The following KIAA1549L variants were observed in gnomAD, a reference collection of about 807,000 sequenced individuals.
KIAA1549L encodes the protein UPF0606 protein KIAA1549L.
Under a neutral mutation model 160.7 loss-of-function variants are expected in KIAA1549L, and 88 were observed. That is an observed-to-expected ratio of 0.55 (90% CI 0.46 to 0.65). The LOEUF (loss-of-function observed/expected upper bound fraction) is 0.65, where lower values mean the gene tolerates loss of function less well. Among genes scored for constraint, KIAA1549L ranks in the 30% least tolerant of loss-of-function variants. The pLI is 0.00. For synonymous variants in KIAA1549L, 950 were observed against 976.7 expected (o/e 0.97, Z 0.51); for missense variants, 2,258 against 2,437.5 (o/e 0.93, Z 1.55).
intron 1 of KIAA1549L, among the ~76,000 whole-genome samples, chr11:33,536,714 A>G (rs1853902095): frequency 1.3e-5 from 2 of 152,238 alleles, no homozygotes. Context: ...TGTAAACACA[A>G]ACTATTTAAA....
chr11:33,540,783 A>T (rs566177727), intron 1 of KIAA1549L, among the ~76,000 whole-genome samples: 1 of 152,182 alleles, frequency 6.6e-6, no homozygotes. Context: ...AAGCACCCCA[A>T]TGATCCTGAT....
At chr11:33,572,049 T>C (rs2133242104) in intron 9 of KIAA1549L, among the ~76,000 whole-genome samples, 1 of 152,278 alleles carries the variant, frequency 6.6e-6, no homozygotes, top group South Asian at 2.1e-4. Flanking sequence ...CTTTTTTTTT[T>C]TTTTTGAGAT....
At chr11:33,466,358 T>C (rs947632405) in intron 1 of KIAA1549L, among the ~76,000 whole-genome samples, 1 of 152,160 alleles carries the variant, frequency 6.6e-6, no homozygotes, top group African/African-American at 2.4e-5. Context: ...CCAACAGACA[T>C]ATGAGAAAAT....
At chr11:33,612,752 C>T (rs1850679812) in intron 15 of KIAA1549L, among the ~76,000 whole-genome samples, 1 of 152,176 alleles carries the variant, frequency 6.6e-6, no homozygotes, top group Non-Finnish European at 1.5e-5. Context: ...CCCTCTCCCT[C>T]CTTTTACCCT....
chr11:33,660,877 G>A lies in KIAA1549L; in HGVS notation c.6022G>A (p.Ala2008Thr), dbSNP rs767786891. ...CTCCATGCCAGGTAATACGGTGCCAGCAGTGTTCGCCATCCCAGCTGCCAA... is the reference window on the plus strand; with the variant it reads ...CTCCATGCCAGGTAATACGGTGCCAACAGTGTTCGCCATCCCAGCTGCCAA... Reference protein sequence around the residue: ...ALNYSGNTVPAVFAIPAANRP... With the variant: ...ALNYSGNTVPTVFAIPAANRP... The change falls in exon 20 of 21, where the codon GCA becomes ACA. Residue 2008 changes from alanine (A) to threonine (T), a missense_variant. Transcript: ENST00000658780. The A allele has an allele frequency of 6.2e-7, 1 of 1,613,892 alleles. No homozygotes were observed. Among genetic ancestry groups the A allele is most frequent in the Non-Finnish European group, 8.5e-7 (1 of 1,179,850 alleles).
chr11:33,609,362 C>T (rs1850587568), intron 14 of KIAA1549L, among the ~76,000 whole-genome samples: 2 of 152,232 alleles, frequency 1.3e-5, no homozygotes, highest in African/African-American at 4.8e-5. Context: ...CTGGGTTCCC[C>T]AGGACTGGAG....
intron 1 of KIAA1549L, among the ~76,000 whole-genome samples, chr11:33,478,565 A>G (rs1225511438): frequency 1.3e-5 from 2 of 152,216 alleles, no homozygotes; most frequent in African/African-American, 4.8e-5. Flanking sequence ...AGCTGGTCAC[A>G]GATAGGAATA....
intron 1 of KIAA1549L, among the ~76,000 whole-genome samples, chr11:33,525,043 G>A (rs1462487680): frequency 6.6e-6 from 1 of 152,204 alleles, no homozygotes; most frequent in Non-Finnish European, 1.5e-5. Flanking sequence ...TAGGGGTGAA[G>A]AGGAAAATGG....
At chr11:33,575,516 A>T (rs1290236555) in intron 10 of KIAA1549L, among the ~76,000 whole-genome samples, 2 of 152,224 alleles carry the variant, frequency 1.3e-5, no homozygotes, top group Admixed American at 6.5e-5. Flanking sequence ...TCATTGGGGC[A>T]GTGTTTACTC....
chr11:33,546,550 C>G (rs191941804), intron 3 of KIAA1549L, among the ~76,000 whole-genome samples: 4 of 152,328 alleles, frequency 2.6e-5, no homozygotes, highest in South Asian at 4.1e-4. Flanking sequence ...GTCATCATCA[C>G]TCACCTAAAT....
Position 33,563,508 on chromosome 11 carries a change from C to T in KIAA1549L, c.4078+1773C>T, listed in dbSNP as rs1378524197. Among the ~76,000 whole-genome samples, 15 of 152,062 alleles carry T rather than the reference C, an allele frequency of 9.9e-5. 1 individual carries two copies. The highest frequency in any genetic ancestry group is 9.8e-4 in the Admixed American group (15 of 15,274). ...TCCCATCCCCTCTCTCACTTGCGGT[C>T]CCAAGCAAGCAGCAGATGGGCTGCT... On this transcript the variant is annotated intron_variant, in intron 8 of 20. Transcript: ENST00000658780.
chr11:33,595,883 C>G (rs1476883911), intron 12 of KIAA1549L, among the ~76,000 whole-genome samples: 3 of 152,162 alleles, frequency 2.0e-5, no homozygotes, highest in African/African-American at 7.2e-5. Flanking sequence ...GCACTGAACT[C>G]TGAGGGTTCA....
chr11:33,562,645 C>A (rs376777080), intron 8 of KIAA1549L, among the ~76,000 whole-genome samples: 1 of 151,698 alleles, frequency 6.6e-6, no homozygotes, highest in Non-Finnish European at 1.5e-5. Flanking sequence ...AATTAGGGCT[C>A]CCCAGTATGA....
At chr11:33,487,402 CTTTTTTTTTTT>C (rs112165825) in intron 1 of KIAA1549L, among the ~76,000 whole-genome samples, 67 of 85,546 alleles carry the variant, frequency 7.8e-4, no homozygotes, top group African/African-American at 2.7e-3. Context: ...GTCTATTGTT[CTTTTTTTTTTT>C]TTTTTTTTTT....
intron 1 of KIAA1549L, among the ~76,000 whole-genome samples, chr11:33,428,872 C>T (rs1018611812): frequency 6.6e-6 from 1 of 152,196 alleles, no homozygotes; most frequent in African/African-American, 2.4e-5. Context: ...TGAGGAATTG[C>T]CACACTGTCT....
chr11:33,440,057 C>T (rs796296916), intron 1 of KIAA1549L, among the ~76,000 whole-genome samples: 14 of 146,758 alleles, frequency 9.5e-5, no homozygotes, highest in African/African-American at 3.3e-4. Context: ...TCCACTTTTT[C>T]TGTTTTCTTT....
At chr11:33,604,111 A>G (rs148050252) in intron 13 of KIAA1549L, among the ~76,000 whole-genome samples, 1 of 152,326 alleles carries the variant, frequency 6.6e-6, no homozygotes, top group East Asian at 1.9e-4. Context: ...TAAGTTATCT[A>G]TTGCCATGTA....
At chr11:33,551,360 T>C in intron 5 of KIAA1549L, 101 bp downstream of exon 5, 1 of 988,092 alleles carries the variant, frequency 1.0e-6, no homozygotes, top group South Asian at 1.4e-5. Context: ...TGCTGTGTCA[T>C]TTTTTAGTCC....
intron 11 of KIAA1549L, among the ~76,000 whole-genome samples, chr11:33,589,262 CA>C (rs756925652): frequency 3.0e-4 from 45 of 152,148 alleles, no homozygotes; most frequent in Non-Finnish European, 5.0e-4. Context: ...CAGGAAACAA[CA>C]GGTGCTGGAG....
Sources: allele counts gnomAD v4.1 joint callset (sites outside exome capture counted in the v4.1 genomes callset), GRCh38; gene constraint gnomAD v4.1.1; transcripts MANE v1.5; gene names NCBI Gene and HGNC (gene_info 2026-07-23, HGNC 2026-07-21).